The following AATF variants were observed in gnomAD, a reference collection of about 807,000 sequenced individuals.
The protein encoded by AATF is apoptosis antagonizing transcription factor, also known as protein AATF.
Under a neutral mutation model 63.7 loss-of-function variants are expected in AATF, and 48 were observed. The ratio of observed to expected loss-of-function variants is 0.75; its 90% CI spans 0.60 to 0.96. The LOEUF is 0.96. AATF is among the 40% of genes least tolerant of loss of function. The probability of loss-of-function intolerance (pLI) is 0.00; values close to 1 mark genes in which losing one functional copy is unlikely to be tolerated. For synonymous variants in AATF, 258 were observed against 247.7 expected (o/e 1.04, Z -0.39); for missense variants, 639 against 685.7 (o/e 0.93, Z 0.76).
Position 37,019,017 on chromosome 17 carries a change from C to T in AATF, c.1411C>T (p.Leu471Phe), listed in dbSNP as rs771768540. ...CTTTTTCCCCTAGCTCCTTCGAGAA[C>T]TCATAGAACGGAAGACCAGCTCCTT... ...DDFYHQLLRE[L>F]IERKTSSLDP... The change falls in exon 9 of 12, where the codon CTC (leucine) becomes TTC (phenylalanine). Residue 471 changes from leucine to phenylalanine, a missense_variant. Leu to Phe is a conservative substitution (Grantham distance 22). Coordinates refer to ENST00000619387, the MANE Select transcript of AATF (RefSeq NM_012138.4). 4.3e-6 allele frequency: 7 copies of T among 1,613,924 alleles called. No homozygotes were observed. The Admixed American group carries it at 1.0e-4, about 23-fold the overall frequency.
At chr17:36,952,061 C>T (rs1485747935) in intron 2 of AATF, among the ~76,000 whole-genome samples, 1 of 152,218 alleles carries the variant, frequency 6.6e-6, no homozygotes, top group Non-Finnish European at 1.5e-5. Flanking sequence ...ACTATAGGAT[C>T]AAGTTCAGAG....
chr17:36,994,035 A>C (rs2071235793), intron 8 of AATF, among the ~76,000 whole-genome samples: 1 of 152,190 alleles, frequency 6.6e-6, no homozygotes, highest in African/African-American at 2.4e-5. Context: ...ACATACATAC[A>C]TATGTATGTG....
At chr17:37,007,962 A>G (rs1442340119) in intron 8 of AATF, among the ~76,000 whole-genome samples, 3 of 152,240 alleles carry the variant, frequency 2.0e-5, no homozygotes, top group Non-Finnish European at 2.9e-5. Context: ...CCTTTAACCC[A>G]TAGCATACTT....
chr17:37,050,831 T>C (rs2142328049), intron 11 of AATF, among the ~76,000 whole-genome samples: 1 of 152,360 alleles, frequency 6.6e-6, no homozygotes, highest in South Asian at 2.1e-4. Context: ...GGAAGGGCCA[T>C]GACATTCTGG....
At chr17:36,960,425 T>C (rs1192471087) in intron 4 of AATF, among the ~76,000 whole-genome samples, 1 of 152,118 alleles carries the variant, frequency 6.6e-6, no homozygotes, top group Non-Finnish European at 1.5e-5. Flanking sequence ...AATGTTTTGT[T>C]TTTAAAGTTT....
chr17:37,048,363 C>CTTTTTTTT (rs60374815), intron 11 of AATF, among the ~76,000 whole-genome samples: 4 of 70,842 alleles, frequency 5.6e-5, no homozygotes, highest in Non-Finnish European at 8.2e-5. Context: ...TTTTTCTTTT[C>CTTTTTTTT]TTTTTTTTTT....
At chr17:36,957,981 C>T (rs2070915650) in intron 4 of AATF, among the ~76,000 whole-genome samples, 1 of 152,088 alleles carries the variant, frequency 6.6e-6, no homozygotes, top group Non-Finnish European at 1.5e-5. Flanking sequence ...AACTTAGTCC[C>T]CAGTCACCTT....
rs181478302 is a variant in AATF at position 37,056,833 on chromosome 17, G to A, written c.*169G>A. On this transcript the variant is annotated 3_prime_UTR_variant, in exon 12 of 12. Coordinates refer to ENST00000619387, the MANE Select transcript of AATF (RefSeq NM_012138.4). ...CAAGGGCGCTGTCCCGCCCAACCCC[G>A]CCTTTAAACGCCACAAATAAAGAGC... The A allele has an allele frequency of 4.5e-4, 283 of 623,400 alleles. No homozygotes were observed. Among genetic ancestry groups the A allele is most frequent in the Middle Eastern group, 4.0e-3 (9 of 2,262 alleles). 38.6% of individuals were successfully genotyped at this position (623,400 alleles called of 1,614,324 possible).
chr17:37,009,283 C>T (rs2071365735), intron 8 of AATF, among the ~76,000 whole-genome samples: 1 of 150,910 alleles, frequency 6.6e-6, no homozygotes, highest in Admixed American at 6.6e-5. Flanking sequence ...AGGCATCTGC[C>T]ACCATGCCCG....
At chr17:36,985,770 CA>C (rs376356366) in intron 4 of AATF, among the ~76,000 whole-genome samples, 2,528 of 152,002 alleles carry the variant, frequency 0.017, 75 homozygotes, top group African/African-American at 0.058. Context: ...AGGCTGGTCT[CA>C]AACTCCTGAC....
intron 10 of AATF, among the ~76,000 whole-genome samples, chr17:37,025,389 G>A (rs2071503447): frequency 6.6e-6 from 1 of 152,174 alleles, no homozygotes. Flanking sequence ...AGGGTACGGT[G>A]TGACAAGAAT....
chr17:37,040,912 G>C (rs1408022493), intron 11 of AATF, among the ~76,000 whole-genome samples: 2 of 152,150 alleles, frequency 1.3e-5, no homozygotes, highest in African/African-American at 4.8e-5. Flanking sequence ...TTTGAATCCT[G>C]ATCTGGTATA....
In AATF at chr17:36,989,362, A is replaced by T. The variant is rs756923040; in HGVS notation, c.1265A>T (p.Lys422Ile). 24 of 1,614,014 alleles carry T rather than the reference A, an allele frequency of 1.5e-5. No individual in the cohort carries two copies. Among genetic ancestry groups the T allele is most frequent in the Non-Finnish European group, 2.0e-5 (24 of 1,179,952 alleles). Residue 422 changes from lysine (K) to isoleucine (I), a missense_variant, in exon 7 of 12, where the codon AAA (lysine) becomes ATA (isoleucine). Coordinates refer to ENST00000619387, the MANE Select transcript of AATF (RefSeq NM_012138.4). ...TKRSVYRVLG[K>I]PEPAAQPVPE... Reference sequence around the variant, plus strand: ...CGCTCTGTCTATCGAGTTCTTGGCAAACCTGAGCCAGCAGCTCAGCCTGTC... The same window carrying T: ...CGCTCTGTCTATCGAGTTCTTGGCATACCTGAGCCAGCAGCTCAGCCTGTC...
rs774956340 is a variant in AATF, at chr17:37,021,029, G to A, written c.1547+15G>A. Reference sequence around the variant, plus strand: ...AGGAAACTTCGGTGAGTTACTTTTCGGAAAAAATGTCAACATATATTGTAT... The same window carrying A: ...AGGAAACTTCGGTGAGTTACTTTTCAGAAAAAATGTCAACATATATTGTAT... On this transcript the variant is annotated intron_variant, in intron 10 of 11. Coordinates refer to ENST00000619387, the MANE Select transcript of AATF (RefSeq NM_012138.4). 16 of 1,595,320 alleles carry A rather than the reference G, an allele frequency of 1.0e-5. No homozygotes were observed. Among genetic ancestry groups the A allele is most frequent in the Middle Eastern group, 1.7e-4 (1 of 6,048 alleles).
rs532830852 is a variant in AATF, at chr17:36,983,847, T to A, written c.833-2770T>A. The stretch of plus-strand genomic sequence containing the variant: ...AAACAAGGAAGTTGTATTTATATAG[T>A]TTGATATGCAGATTATTTGAAGGAA... On this transcript the variant is annotated intron_variant, in intron 4 of 11. Transcript: ENST00000619387. 3.3e-5 allele frequency among the ~76,000 whole-genome samples: 5 copies of A among 152,310 alleles called. No individual in the cohort carries two copies. The East Asian group carries it at 9.6e-4, about 29-fold the overall frequency.
At chr17:37,012,451 T>C (rs1157494337) in intron 8 of AATF, among the ~76,000 whole-genome samples, 1 of 152,190 alleles carries the variant, frequency 6.6e-6, no homozygotes, top group East Asian at 1.9e-4. Flanking sequence ...TAAGAAGTCT[T>C]GTGGGAGAGA....
In AATF at chr17:36,989,315, A is replaced by C; in HGVS notation, c.1218A>C (p.Leu406Phe). 6.2e-7 allele frequency: 1 copy of C among 1,614,102 alleles called. No individual in the cohort carries two copies. ...IDHILMDKERLLRRTQTKRSV... is the reference protein window; with the variant it reads ...IDHILMDKERFLRRTQTKRSV... ...ATATTCTGATGGACAAAGAGAGATT[A>C]CTTCGAAGGACACAGACCAAGCGCT... The change falls in exon 7 of 12, where the codon TTA (leucine) becomes TTC (phenylalanine). Residue 406 changes from leucine (L) to phenylalanine (F), a missense_variant. Leu to Phe is a conservative substitution (Grantham distance 22, BLOSUM62 0). Transcript: ENST00000619387.
chr17:37,025,857 A>G (rs140950112), intron 10 of AATF, among the ~76,000 whole-genome samples: 2 of 152,294 alleles, frequency 1.3e-5, no homozygotes, highest in South Asian at 2.1e-4. Flanking sequence ...GCTAAAATCA[A>G]TGGGCAAAAA....
intron 11 of AATF, 86 bp downstream of exon 11, chr17:37,031,771 C>T: frequency 2.8e-6 from 3 of 1,058,872 alleles, no homozygotes. Context: ...CTCTCCATTT[C>T]TTCTTATCAG....
Sources: gnomAD v4.1 joint callset for allele counts (sites outside exome capture counted in the v4.1 genomes callset) on GRCh38, gnomAD v4.1.1 for gene constraint, MANE v1.5 for transcripts, NCBI Gene and HGNC (gene_info 2026-07-23, HGNC 2026-07-21) for gene names.